NRXN3: variants seen among roughly 807,000 people sequenced by gnomAD.
NRXN3 encodes the protein neurexin III.
NRXN3 carries 32 observed loss-of-function variants against 137.6 expected under a neutral mutation model. That is an observed-to-expected ratio of 0.23 (90% CI 0.18 to 0.31). NRXN3 has a LOEUF of 0.31. NRXN3 is among the 10% of genes least tolerant of loss of function. NRXN3 has a pLI of 1.00. For synonymous variants in NRXN3, 798 were observed against 784.5 expected, an observed-to-expected ratio of 1.02 and a Z score of -0.29; for missense variants, 1,574 against 2,062.5, an observed-to-expected ratio of 0.76 and a Z score of 4.59.
At chr14:78,700,496 A>C (rs1274383038) in intron 6 of NRXN3, among the ~76,000 whole-genome samples, 1 of 152,184 alleles carries the variant, frequency 6.6e-6, no homozygotes, top group African/African-American at 2.4e-5. Flanking sequence ...GAGAGCTGCT[A>C]TCCAGTTGTG....
chr14:78,548,036 G>A (rs1005239825), intron 4 of NRXN3, among the ~76,000 whole-genome samples: 1 of 152,130 alleles, frequency 6.6e-6, no homozygotes, highest in Non-Finnish European at 1.5e-5. Context: ...GATCATTTTA[G>A]TTAAAATTAG....
chr14:79,688,070 G>A (rs1459331586), intron 17 of NRXN3, among the ~76,000 whole-genome samples: 1 of 152,112 alleles, frequency 6.6e-6, no homozygotes, highest in African/African-American at 2.4e-5. Flanking sequence ...TGGTAAGTGG[G>A]ACCAAATAGA....
chr14:78,218,263 G>A (rs567115364), intron 1 of NRXN3, among the ~76,000 whole-genome samples: 7 of 152,240 alleles, frequency 4.6e-5, no homozygotes, highest in Admixed American at 1.3e-4. Flanking sequence ...AAGCTGAGGT[G>A]GAAGGATTGC....
At chr14:78,932,977 A>G (rs80332811) in intron 10 of NRXN3, among the ~76,000 whole-genome samples, 9,078 of 152,262 alleles carry the variant, frequency 0.06, 408 homozygotes, top group Admixed American at 0.084. Context: ...GGTGTGTGGC[A>G]GGAAGATAGC....
chr14:79,298,342 A>G (rs1389062885), intron 15 of NRXN3, among the ~76,000 whole-genome samples: 3 of 152,048 alleles, frequency 2.0e-5, no homozygotes, highest in Non-Finnish European at 4.4e-5. Context: ...CCAGTTATTC[A>G]AATTTGTGTT....
intron 4 of NRXN3, among the ~76,000 whole-genome samples, chr14:78,422,510 G>T (rs1393697809): frequency 6.6e-6 from 1 of 152,144 alleles, no homozygotes; most frequent in African/African-American, 2.4e-5. Flanking sequence ...GAGGGATCAT[G>T]GTGTTAACCA....
chr14:78,828,500 T>A (rs1345305349), intron 10 of NRXN3, among the ~76,000 whole-genome samples: 2 of 152,228 alleles, frequency 1.3e-5, no homozygotes, highest in African/African-American at 4.8e-5. Flanking sequence ...TGTGCTCTTG[T>A]AGCACAAAAC....
intron 4 of NRXN3, among the ~76,000 whole-genome samples, chr14:78,489,048 G>A (rs969759904): frequency 6.6e-6 from 1 of 152,198 alleles, no homozygotes; most frequent in African/African-American, 2.4e-5. Flanking sequence ...GATGCAAACA[G>A]GAAGAGAAAG....
At chr14:79,376,206 GTGTGTATGTATA>G (rs1264615141) in intron 15 of NRXN3, among the ~76,000 whole-genome samples, 12 of 53,880 alleles carry the variant, frequency 2.2e-4, no homozygotes, top group African/African-American at 8.8e-4. Flanking sequence ...GTGTGTGTGT[GTGTGTATGTATA>G]TATATATATA....
chr14:79,448,556 G>T (rs950169404), intron 15 of NRXN3, among the ~76,000 whole-genome samples: 1 of 152,134 alleles, frequency 6.6e-6, no homozygotes, highest in African/African-American at 2.4e-5. Context: ...TACTATCCAT[G>T]CAGATTATCT....
At chr14:78,448,408 T>C (rs1289140000) in intron 4 of NRXN3, among the ~76,000 whole-genome samples, 1 of 152,222 alleles carries the variant, frequency 6.6e-6, no homozygotes, top group Non-Finnish European at 1.5e-5. Flanking sequence ...TACTTGCATA[T>C]GCATTAAGAA....
chr14:78,643,897 C>G (rs949320411), intron 4 of NRXN3, among the ~76,000 whole-genome samples: 2 of 152,160 alleles, frequency 1.3e-5, no homozygotes, highest in African/African-American at 4.8e-5. Flanking sequence ...AATCCTAACA[C>G]TTTGGGAGGC....
intron 16 of NRXN3, among the ~76,000 whole-genome samples, chr14:79,575,680 T>C (rs1178132908): frequency 6.6e-6 from 1 of 152,164 alleles, no homozygotes; most frequent in East Asian, 1.9e-4. Context: ...CAATGATGGC[T>C]TTTAATCCCA....
At chr14:79,508,389 G>GGTTTTTTTTTTTTTTTTTTTTTTTTT (rs1567328889) in intron 16 of NRXN3, among the ~76,000 whole-genome samples, 1 of 12,560 alleles carries the variant, frequency 8.0e-5, no homozygotes, top group African/African-American at 3.3e-4. Context: ...AACAATAACT[G>GGTTTTTTTTTTTTTTTTTTTTTTTTT]ATTTTTTTTT....
rs910189158 is a variant in NRXN3 at position 79,173,517 on chromosome 14, C to T, written c.3262+185376C>T. ...CTGCACTCCAGCCTAGGTGACAGAG[C>T]AAGACCTTGTCTCAAAAAAAAAAAA... On this transcript the variant is annotated intron_variant, in intron 15 of 20. Coordinates refer to ENST00000335750, the MANE Select transcript of NRXN3 (RefSeq NM_001330195.2). 2.1e-4 allele frequency among the ~76,000 whole-genome samples: 20 copies of T among 94,848 alleles called. 1 individual carries two copies. The Admixed American group carries it at 2.8e-3, about 13-fold the overall frequency. 62.2% of individuals were successfully genotyped at this position (94,848 alleles called of 152,430 possible).
At chr14:79,697,305 T>G (rs916150170) in intron 18 of NRXN3, among the ~76,000 whole-genome samples, 5 of 152,036 alleles carry the variant, frequency 3.3e-5, no homozygotes, top group Non-Finnish European at 7.4e-5. Context: ...TCACCTGATT[T>G]GAGTGTTTCT....
chr14:78,820,679 G>A (rs1368109543), intron 10 of NRXN3, among the ~76,000 whole-genome samples: 1 of 152,112 alleles, frequency 6.6e-6, no homozygotes, highest in African/African-American at 2.4e-5. Context: ...TTCCTCAAGG[G>A]ACCCTGTGGA....
chr14:79,105,988 G>A (rs2052361357), intron 15 of NRXN3, among the ~76,000 whole-genome samples: 1 of 152,022 alleles, frequency 6.6e-6, no homozygotes, highest in Non-Finnish European at 1.5e-5. Context: ...CGAAGACAGA[G>A]GTCAGTTCTG....
chr14:79,303,476 T>C (rs767481470), intron 15 of NRXN3, among the ~76,000 whole-genome samples: 25 of 152,054 alleles, frequency 1.6e-4, no homozygotes, highest in Non-Finnish European at 2.9e-4. Context: ...TTAATGGGAA[T>C]GGGGAATGCC....
Sources: gnomAD v4.1 joint callset for allele counts (sites outside exome capture counted in the v4.1 genomes callset) on GRCh38, gnomAD v4.1.1 for gene constraint, MANE v1.5 for transcripts, NCBI Gene and HGNC (gene_info 2026-07-23, HGNC 2026-07-21) for gene names.